Variants in SLC35F3 observed in about 807,000 individuals in gnomAD.
The protein encoded by SLC35F3 is solute carrier family 35 member F3, also known as putative thiamine transporter SLC35F3.
In SLC35F3, 25 loss-of-function variants were observed where a neutral mutation model predicts 49.9. The ratio of observed to expected loss-of-function variants is 0.50; its 90% CI spans 0.37 to 0.70. SLC35F3 has a LOEUF of 0.70. Among genes scored for constraint, SLC35F3 ranks in the 30% least tolerant of loss-of-function variants. The probability of loss-of-function intolerance (pLI) is 0.00; values close to 1 mark genes in which losing one functional copy is unlikely to be tolerated. For missense variants in SLC35F3, 525 were observed against 639.8 expected (o/e 0.82, Z 1.94); for synonymous variants, 275 against 265.4 (o/e 1.04, Z -0.35).
chr1:233,969,484 C>T (rs1312817839), intron 2 of SLC35F3, among the ~76,000 whole-genome samples: 2 of 152,144 alleles, frequency 1.3e-5, no homozygotes, highest in Admixed American at 6.5e-5. Context: ...TTAGTGTGGC[C>T]ACCTCCTGTC....
chr1:234,287,101 C>T (rs6667859), intron 3 of SLC35F3, among the ~76,000 whole-genome samples: 8,358 of 152,008 alleles, frequency 0.055, 269 homozygotes, highest in African/African-American at 0.083. Flanking sequence ...TGGGAGGCTG[C>T]GGTAGGAAGA....
intron 3 of SLC35F3, among the ~76,000 whole-genome samples, chr1:234,308,742 T>C (rs919144475): frequency 7.8e-6 from 1 of 128,446 alleles, no homozygotes; most frequent in South Asian, 2.7e-4. Flanking sequence ...CCAAAAAAGG[T>C]TTAGTGACCC....
chr1:233,991,227 GA>G (rs1663349762), intron 2 of SLC35F3, among the ~76,000 whole-genome samples: 1 of 152,156 alleles, frequency 6.6e-6, no homozygotes, highest in Non-Finnish European at 1.5e-5. Context: ...GACAGAAAGG[GA>G]AAGTGGGAGG....
intron 3 of SLC35F3, among the ~76,000 whole-genome samples, chr1:234,233,619 T>A (rs1667418313): frequency 6.6e-6 from 1 of 152,204 alleles, no homozygotes; most frequent in African/African-American, 2.4e-5. Flanking sequence ...AAATGGAAGG[T>A]CATTGAAGAT....
chr1:233,959,512 A>T (rs370419771), intron 2 of SLC35F3, among the ~76,000 whole-genome samples: 3 of 151,940 alleles, frequency 2.0e-5, no homozygotes, highest in Non-Finnish European at 4.4e-5. Context: ...GAAAGATATA[A>T]TTTTTTTTCA....
intron 2 of SLC35F3, among the ~76,000 whole-genome samples, chr1:234,090,941 T>G (rs1233417922): frequency 6.6e-6 from 1 of 152,192 alleles, no homozygotes; most frequent in African/African-American, 2.4e-5. Flanking sequence ...AGCCCTCCGT[T>G]TCAACACGGG....
At chr1:234,071,648 T>C (rs1196506295) in intron 2 of SLC35F3, among the ~76,000 whole-genome samples, 2 of 152,238 alleles carry the variant, frequency 1.3e-5, no homozygotes, top group Non-Finnish European at 2.9e-5. Context: ...TTCCATGTTA[T>C]TCAGATCTAT....
At chr1:234,042,749 A>G (rs1664240546) in intron 2 of SLC35F3, among the ~76,000 whole-genome samples, 1 of 152,190 alleles carries the variant, frequency 6.6e-6, no homozygotes, top group Non-Finnish European at 1.5e-5. Context: ...AGTTGCAAGC[A>G]TGGTGCGTGT....
chr1:233,983,359 A>T (rs1663216412), intron 2 of SLC35F3, among the ~76,000 whole-genome samples: 2 of 152,212 alleles, frequency 1.3e-5, no homozygotes, highest in South Asian at 4.1e-4. Context: ...GGAAGGTGGT[A>T]ACTTCATTTA....
chr1:234,121,380 CG>C (rs1367611504), intron 2 of SLC35F3, among the ~76,000 whole-genome samples: 2 of 151,728 alleles, frequency 1.3e-5, no homozygotes, highest in African/African-American at 4.8e-5. Flanking sequence ...CCTCGTGATC[CG>C]CCCGCCTCGG....
At chr1:234,202,246 G>A (rs1033685927) in intron 2 of SLC35F3, among the ~76,000 whole-genome samples, 1 of 152,096 alleles carries the variant, frequency 6.6e-6, no homozygotes, top group African/African-American at 2.4e-5. Context: ...ACTAGGGTCT[G>A]TCGGGCAGTG....
intron 2 of SLC35F3, among the ~76,000 whole-genome samples, chr1:234,074,612 G>A (rs1198267546): frequency 2.6e-5 from 4 of 152,158 alleles, no homozygotes; most frequent in East Asian, 3.8e-4. Context: ...CAGGGGTGGA[G>A]CTCAAGCGGA....
At chr1:234,038,342 T>G (rs12728486) in intron 2 of SLC35F3, among the ~76,000 whole-genome samples, 6 of 149,524 alleles carry the variant, frequency 4.0e-5, no homozygotes. Flanking sequence ...ATGTGCCACA[T>G]TTTCTTAATC....
intron 2 of SLC35F3, among the ~76,000 whole-genome samples, chr1:234,026,584 G>A (rs1008607749): frequency 7.2e-5 from 11 of 152,198 alleles, no homozygotes; most frequent in Admixed American, 2.6e-4. Context: ...AAAAATAAGC[G>A]TTTAAGAAGG....
At chr1:233,988,611 A>G (rs913525408) in intron 2 of SLC35F3, among the ~76,000 whole-genome samples, 2 of 152,126 alleles carry the variant, frequency 1.3e-5, no homozygotes, top group African/African-American at 4.8e-5. Context: ...CATCCTCCAC[A>G]CAGGCACGCT....
chr1:234,165,327 C>G (rs934093022), intron 2 of SLC35F3, among the ~76,000 whole-genome samples: 2 of 152,118 alleles, frequency 1.3e-5, no homozygotes, highest in African/African-American at 4.8e-5. Flanking sequence ...TATCCTCTCT[C>G]TTATAATTCA....
At chr1:234,237,617 T>A (rs1667494639) in intron 3 of SLC35F3, among the ~76,000 whole-genome samples, 1 of 152,202 alleles carries the variant, frequency 6.6e-6, no homozygotes, top group East Asian at 1.9e-4. Context: ...CAGCCTGTTG[T>A]TCCTATCAAC....
At chr1:233,992,573 C>T (rs746213871) in intron 2 of SLC35F3, among the ~76,000 whole-genome samples, 1 of 152,152 alleles carries the variant, frequency 6.6e-6, no homozygotes, top group Non-Finnish European at 1.5e-5. Flanking sequence ...CTCACTACCT[C>T]GAGAATAGCA....
At chr1:234,316,766 C>T (rs772252535) in intron 5 of SLC35F3, 39 bp downstream of exon 5, 9 of 1,581,772 alleles carry the variant, frequency 5.7e-6, no homozygotes, top group South Asian at 4.5e-5. Context: ...TGGCTGGGCT[C>T]TCCTCAGCCA....
Sources: gnomAD v4.1 joint callset for allele counts (sites outside exome capture counted in the v4.1 genomes callset) on GRCh38, gnomAD v4.1.1 for gene constraint, MANE v1.5 for transcripts, NCBI Gene and HGNC (gene_info 2026-07-23, HGNC 2026-07-21) for gene names.